Variants in TEX11 observed in about 807,000 individuals in gnomAD.
TEX11 encodes testis expressed 11.
Under a neutral mutation model 84.4 loss-of-function variants are expected in TEX11, and 7 were observed. The observed-to-expected ratio is 0.08, with a 90% CI of 0.05 to 0.16. The LOEUF (loss-of-function observed/expected upper bound fraction) is 0.16. Ranked by LOEUF, TEX11 falls within the 10% of genes least tolerant of loss-of-function variation. The pLI, the probability that TEX11 is intolerant of heterozygous loss-of-function variation, is 1.00. For synonymous variants in TEX11, 264 were observed against 222.8 expected, an observed-to-expected ratio of 1.18 and a Z score of -1.64; for missense variants, 551 against 660.5, an observed-to-expected ratio of 0.83 and a Z score of 1.82.
At chrX:70,881,608 A>C (rs992838644) in intron 2 of TEX11, among the ~76,000 whole-genome samples, 1 of 111,469 alleles carries the variant, frequency 9.0e-6, no homozygotes, top group Admixed American at 9.6e-5. Context: ...CAAAAATTTC[A>C]GTTAAACAAA....
chrX:70,521,663 G>A, the TEX11 span, among the ~76,000 whole-genome samples: 27,774 of 110,728 alleles, frequency 0.25, 3,138 homozygotes, highest in Middle Eastern at 0.36. Flanking sequence ...GTTTATTACC[G>A]AATTCTGACC....
At chrX:70,741,932 T>C (rs1464943829) in intron 10 of TEX11, among the ~76,000 whole-genome samples, 1 of 112,051 alleles carries the variant, frequency 8.9e-6, no homozygotes, top group East Asian at 2.8e-4. Context: ...TCACTTCTAG[T>C]AGTGTTTTTT....
chrX:70,788,315 C>T (rs752813173), intron 9 of TEX11, among the ~76,000 whole-genome samples: 12 of 111,272 alleles, frequency 1.1e-4, no homozygotes, highest in Non-Finnish European at 2.3e-4. Context: ...TAAAAATAGA[C>T]GTGTCAACCA....
At chrX:70,881,024 A>C (rs1027865745) in intron 2 of TEX11, among the ~76,000 whole-genome samples, 120 of 105,165 alleles carry the variant, frequency 1.1e-3, no homozygotes, top group Non-Finnish European at 2.0e-3. Context: ...AAAAAAAAAA[A>C]AAAAAACTAA....
At chrX:70,834,915 G>A (rs974290093) in intron 7 of TEX11, among the ~76,000 whole-genome samples, 7 of 111,240 alleles carry the variant, frequency 6.3e-5, no homozygotes, top group African/African-American at 2.0e-4. Context: ...GAATTGAGTA[G>A]ACAGAAGAAA....
intron 25 of TEX11, among the ~76,000 whole-genome samples, chrX:70,576,024 T>C (rs773417049): frequency 8.9e-6 from 1 of 112,250 alleles, no homozygotes; most frequent in South Asian, 3.7e-4. Flanking sequence ...GAGACAGTAA[T>C]ACATTTCCTT....
intron 9 of TEX11, among the ~76,000 whole-genome samples, chrX:70,773,567 C>T (rs974417830): frequency 1.8e-5 from 2 of 111,592 alleles, no homozygotes; most frequent in African/African-American, 6.5e-5. Flanking sequence ...GAAAAGGATG[C>T]TAACAAACAA....
intron 2 of TEX11, among the ~76,000 whole-genome samples, chrX:70,907,099 C>G (rs987948915): frequency 1.8e-5 from 2 of 111,798 alleles, no homozygotes; most frequent in Non-Finnish European, 3.8e-5. Context: ...GTACTTAAGT[C>G]TAAAACTACA....
intron 7 of TEX11, among the ~76,000 whole-genome samples, chrX:70,836,584 C>CAA (rs2147835774): frequency 8.9e-6 from 1 of 111,948 alleles, no homozygotes; most frequent in South Asian, 3.7e-4. Context: ...CATCATTAGC[C>CAA]ATTAGAGAAA....
intron 25 of TEX11, among the ~76,000 whole-genome samples, chrX:70,563,160 G>T (rs2088398783): frequency 9.0e-6 from 1 of 111,643 alleles, no homozygotes; most frequent in Middle Eastern, 4.2e-3. Context: ...CCCTTCTAAT[G>T]CATACACAGG....
chrX:70,608,478 A>G (rs1163434868), intron 22 of TEX11, among the ~76,000 whole-genome samples: 3 of 112,087 alleles, frequency 2.7e-5, no homozygotes, highest in Non-Finnish European at 5.6e-5. Flanking sequence ...ACGGTGGCTT[A>G]CGCCTGTAAT....
chrX:70,737,450 T>C (rs2090704026), intron 11 of TEX11, among the ~76,000 whole-genome samples: 1 of 110,348 alleles, frequency 9.1e-6, no homozygotes, highest in African/African-American at 3.3e-5. Context: ...TCAAACATAA[T>C]GAAAATTATG....
At chrX:70,588,385 G>T (rs2088881948) in intron 25 of TEX11, among the ~76,000 whole-genome samples, 1 of 111,483 alleles carries the variant, frequency 9.0e-6, no homozygotes, top group Non-Finnish European at 1.9e-5. Flanking sequence ...TTTCCCTCTT[G>T]CCCTTCTCGT....
At chrX:70,533,802 G>A (rs1484152978) in intron 28 of TEX11, among the ~76,000 whole-genome samples, 1 of 111,097 alleles carries the variant, frequency 9.0e-6, no homozygotes, top group Non-Finnish European at 1.9e-5. Flanking sequence ...ACTCAAAAAT[G>A]TAAAAGATTG....
At chrX:70,548,335 G>C (rs1333868448) in intron 28 of TEX11, among the ~76,000 whole-genome samples, 3 of 109,720 alleles carry the variant, frequency 2.7e-5, no homozygotes, top group African/African-American at 1.0e-4. Context: ...GAGTTAATGG[G>C]TGCAGCACAC....
At chrX:70,743,898 A>ACT (rs1294247395) in intron 10 of TEX11, among the ~76,000 whole-genome samples, 2 of 108,587 alleles carry the variant, frequency 1.8e-5, no homozygotes, top group Non-Finnish European at 1.9e-5. Context: ...ACACACACAC[A>ACT]CACACACACA....
intron 9 of TEX11, among the ~76,000 whole-genome samples, chrX:70,766,540 G>A (rs778272004): frequency 9.0e-6 from 1 of 111,463 alleles, no homozygotes; most frequent in African/African-American, 3.3e-5. Flanking sequence ...CTGTTAACAT[G>A]TCCATACTAC....
chrX:70,733,677 A>T (rs2090672714), intron 11 of TEX11, among the ~76,000 whole-genome samples: 1 of 111,630 alleles, frequency 9.0e-6, no homozygotes, highest in African/African-American at 3.3e-5. Flanking sequence ...AGGATGTGAA[A>T]AAATAGGAAC....
At chrX:70,881,628 T>C (rs2091683849) in intron 2 of TEX11, among the ~76,000 whole-genome samples, 1 of 111,269 alleles carries the variant, frequency 9.0e-6, no homozygotes, top group Admixed American at 9.7e-5. Flanking sequence ...ATGCTTGAGG[T>C]GATGGATATC....
Sources: gnomAD v4.1 joint callset for allele counts (sites outside exome capture counted in the v4.1 genomes callset) on GRCh38, gnomAD v4.1.1 for gene constraint, MANE v1.5 for transcripts, NCBI Gene and HGNC (gene_info 2026-07-23, HGNC 2026-07-21) for gene names.